The following UTS2B variants were observed in gnomAD, a reference collection of about 807,000 sequenced individuals.
The protein encoded by UTS2B is urotensin 2B.
A neutral mutation model predicts 19.2 loss-of-function variants in UTS2B; 21 were observed. The ratio of observed to expected loss-of-function variants is 1.09; its 90% confidence interval spans 0.78 to 1.58. The LOEUF (loss-of-function observed/expected upper bound fraction) is 1.58. UTS2B is among the 40% of genes most tolerant of loss of function. The pLI is 0.00. For missense variants in UTS2B, 138 were observed against 130.3 expected, an observed-to-expected ratio of 1.06 and a Z score of -0.29; for synonymous variants, 57 against 50.2, an observed-to-expected ratio of 1.14 and a Z score of -0.58.
intron 5 of UTS2B, among the ~76,000 whole-genome samples, chr3:191,280,366 T>G (rs1245425440): frequency 6.6e-6 from 1 of 152,134 alleles, no homozygotes; most frequent in African/African-American, 2.4e-5. Flanking sequence ...TTGTGCCATT[T>G]GTCTTGGAGA....
intron 5 of UTS2B, among the ~76,000 whole-genome samples, chr3:191,280,924 C>T (rs9867015): frequency 1.4e-3 from 217 of 152,230 alleles, no homozygotes; most frequent in Admixed American, 5.3e-3. Context: ...ATGTGAGTGT[C>T]ATGGATAAAA....
At chr3:191,295,103 A>G (rs535710002) in intron 4 of UTS2B, among the ~76,000 whole-genome samples, 18 of 152,124 alleles carry the variant, frequency 1.2e-4, no homozygotes, top group African/African-American at 4.1e-4. Context: ...AATAAGTTTT[A>G]TTAGGACACT....
intron 4 of UTS2B, among the ~76,000 whole-genome samples, chr3:191,284,110 T>A (rs1716466208): frequency 1.3e-5 from 2 of 152,086 alleles, no homozygotes; most frequent in Non-Finnish European, 2.9e-5. Context: ...CCAATGAAAT[T>A]GGAAATTTAG....
intron 6 of UTS2B, among the ~76,000 whole-genome samples, chr3:191,277,269 TA>T (rs1168598124): frequency 6.6e-6 from 1 of 152,174 alleles, no homozygotes; most frequent in Non-Finnish European, 1.5e-5. Flanking sequence ...CTCCAGGTTT[TA>T]AAATTTGGGT....
At chr3:191,304,994 A>C (rs1717099067) in intron 3 of UTS2B, among the ~76,000 whole-genome samples, 2 of 152,194 alleles carry the variant, frequency 1.3e-5, no homozygotes, top group African/African-American at 4.8e-5. Flanking sequence ...GTCCCTGCGA[A>C]GGACATGATC....
the UTS2B span, among the ~76,000 whole-genome samples, chr3:191,344,754 A>AG: frequency 6.6e-6 from 1 of 151,942 alleles, no homozygotes; most frequent in African/African-American, 2.4e-5. Flanking sequence ...AATTTTTTGT[A>AG]TTTTTGTGGA....
At chr3:191,308,051 G>A (rs1717193004) in intron 3 of UTS2B, among the ~76,000 whole-genome samples, 1 of 152,066 alleles carries the variant, frequency 6.6e-6, no homozygotes, top group South Asian at 2.1e-4. Flanking sequence ...GGCCAGGCTG[G>A]TCTCAAACTC....
chr3:191,323,145 T>TTTTATGTTATTTTATTTTA (rs149096213), intron 2 of UTS2B, among the ~76,000 whole-genome samples: 41,655 of 148,346 alleles, frequency 0.28, 7,841 homozygotes, highest in African/African-American at 0.53. Context: ...TTTTATTTTA[T>TTTTATGTTATTTTATTTTA]TTTATTTATT....
intron 4 of UTS2B, among the ~76,000 whole-genome samples, chr3:191,296,121 C>A (rs1180554717): frequency 6.6e-6 from 1 of 152,148 alleles, no homozygotes; most frequent in Admixed American, 6.6e-5. Flanking sequence ...ACCTCTCAAT[C>A]TCATCTGTAT....
At chr3:191,339,763 G>C in the UTS2B span, among the ~76,000 whole-genome samples, 1 of 152,148 alleles carries the variant, frequency 6.6e-6, no homozygotes, top group East Asian at 1.9e-4. Context: ...CTGATAACAT[G>C]GTCTCCATTT....
chr3:191,304,844 G>A (rs1333342779), intron 3 of UTS2B, among the ~76,000 whole-genome samples: 1 of 151,884 alleles, frequency 6.6e-6, no homozygotes, highest in Non-Finnish European at 1.5e-5. Flanking sequence ...CCTCCAACAG[G>A]CCCCAGTGTG....
chr3:191,276,630 T>G (rs911571767), intron 7 of UTS2B, among the ~76,000 whole-genome samples, 177 bp downstream of exon 7: 1 of 152,214 alleles, frequency 6.6e-6, no homozygotes, highest in African/African-American at 2.4e-5. Context: ...TTTGTTTTGT[T>G]TTGTGTTAGT....
At chr3:191,293,009 AAAAAGAAT>A (rs1716760269) in intron 4 of UTS2B, among the ~76,000 whole-genome samples, 1 of 152,182 alleles carries the variant, frequency 6.6e-6, no homozygotes, top group Admixed American at 6.5e-5. Flanking sequence ...TCTTAAAAAA[AAAAAGAAT>A]AAAGTTCTCA....
At chr3:191,311,794 C>A (rs1576931560) in intron 3 of UTS2B, among the ~76,000 whole-genome samples, 3 of 152,152 alleles carry the variant, frequency 2.0e-5, no homozygotes, top group Non-Finnish European at 4.4e-5. Context: ...TCCATTCAAA[C>A]ATTTCCACTT....
chr3:191,326,953 G>A (rs1028185967), intron 2 of UTS2B, among the ~76,000 whole-genome samples: 6 of 152,344 alleles, frequency 3.9e-5, no homozygotes, highest in East Asian at 3.9e-4. Flanking sequence ...TTTTTCTGCT[G>A]AAAGCAGCCG....
chr3:191,306,006 A>G (rs763935262), intron 3 of UTS2B, among the ~76,000 whole-genome samples: 4 of 151,986 alleles, frequency 2.6e-5, no homozygotes, highest in Admixed American at 1.3e-4. Flanking sequence ...TATGTTCTCT[A>G]TTCTGTTCCA....
At chr3:191,311,370 A>G (rs1717297472) in intron 3 of UTS2B, among the ~76,000 whole-genome samples, 2 of 152,224 alleles carry the variant, frequency 1.3e-5, no homozygotes, top group Admixed American at 1.3e-4. Context: ...AGACTTACAT[A>G]TGAAAACTGA....
At chr3:191,273,106 T>C (rs1039361240) in intron 8 of UTS2B, among the ~76,000 whole-genome samples, 1 of 152,142 alleles carries the variant, frequency 6.6e-6, no homozygotes, top group Admixed American at 6.5e-5. Flanking sequence ...AGGCAGAGGT[T>C]GCAGTGAGCC....
intron 5 of UTS2B, among the ~76,000 whole-genome samples, chr3:191,280,176 T>C (rs1482653726): frequency 1.3e-5 from 2 of 152,104 alleles, no homozygotes; most frequent in African/African-American, 4.8e-5. Flanking sequence ...GACAAGAAAT[T>C]TTACCAGAAA....
Sources: allele counts gnomAD v4.1 joint callset (sites outside exome capture counted in the v4.1 genomes callset), GRCh38; gene constraint gnomAD v4.1.1; transcripts MANE v1.5; gene names NCBI Gene and HGNC (gene_info 2026-07-23, HGNC 2026-07-21).